ZNHIT6: variants seen among roughly 807,000 people sequenced by gnomAD.
ZNHIT6 encodes box C/D snoRNA protein 1.
Under a neutral mutation model 57.2 loss-of-function variants are expected in ZNHIT6, and 45 were observed. The observed-to-expected ratio is 0.79, with a 90% CI of 0.62 to 1.01. The LOEUF is 1.01. Ranked by LOEUF, ZNHIT6 falls within the 50% of genes least tolerant of loss-of-function variation. ZNHIT6 has a pLI of 0.00. For synonymous variants in ZNHIT6, 188 were observed against 190.0 expected, an observed-to-expected ratio of 0.99 and a Z score of 0.09; for missense variants, 528 against 567.3, an observed-to-expected ratio of 0.93 and a Z score of 0.70.
chr1:85,685,531 G>A (rs149878956), intron 5 of ZNHIT6, among the ~76,000 whole-genome samples: 10 of 152,200 alleles, frequency 6.6e-5, no homozygotes, highest in East Asian at 1.9e-4. Context: ...TTTTACCTAC[G>A]AATATGTCTG....
rs979513527 is a variant in ZNHIT6 at position 85,654,163 on chromosome 1, C to T, written c.1373-65G>A. 20 of 1,384,158 alleles carry T rather than the reference C, an allele frequency of 1.4e-5. No individual in the cohort carries two copies. The Admixed American group carries it at 3.3e-4, about 23-fold the overall frequency. 85.7% of individuals were successfully genotyped at this position (1,384,158 alleles called of 1,614,324 possible). A position where few individuals can be genotyped will look rare whatever the true frequency, so the allele number is the denominator to read the frequency against. On this transcript the variant is annotated intron_variant, in intron 9 of 9. Transcript: ENST00000370574. ...TTTTTCTGTTTAGGTTGCTCTGTCC[C>T]TCTTCTCTCCCTCCTTCTGATGTAC...
At chr1:85,670,646 T>A (rs1220938272) in intron 8 of ZNHIT6, among the ~76,000 whole-genome samples, 1 of 152,194 alleles carries the variant, frequency 6.6e-6, no homozygotes, top group Non-Finnish European at 1.5e-5. Flanking sequence ...TAGAAACCTA[T>A]GAGAAATGCA....
In ZNHIT6 at chr1:85,684,857, G is replaced by A. The variant is rs2100690113; in HGVS notation, c.1020-3953C>T. 2.0e-5 allele frequency among the ~76,000 whole-genome samples: 3 copies of A among 152,196 alleles called. 1 individual carries two copies. In the South Asian group the frequency reaches 6.2e-4, roughly 32 times the overall value. On this transcript the variant is annotated intron_variant, in intron 5 of 9. Transcript: ENST00000370574. ...ACTTCAAATTGCAAATTTTCGTATGGGGAATACTACCACAATCCCAAGGAA... is the reference window on the plus strand; with the variant it reads ...ACTTCAAATTGCAAATTTTCGTATGAGGAATACTACCACAATCCCAAGGAA...
intron 5 of ZNHIT6, among the ~76,000 whole-genome samples, chr1:85,699,985 A>T (rs1245148020): frequency 6.6e-6 from 1 of 152,202 alleles, no homozygotes. Context: ...ATTCATAAAA[A>T]ATTAATGTTT....
chr1:85,687,310 A>AAAAC (rs1557861254), intron 5 of ZNHIT6, among the ~76,000 whole-genome samples: 5 of 143,588 alleles, frequency 3.5e-5, no homozygotes, highest in Admixed American at 1.4e-4. Flanking sequence ...AAAAAAAAAA[A>AAAAC]ACAATTTAGA....
intron 8 of ZNHIT6, among the ~76,000 whole-genome samples, chr1:85,671,846 T>G (rs900724243): frequency 6.6e-6 from 1 of 152,130 alleles, no homozygotes; most frequent in East Asian, 1.9e-4. Flanking sequence ...CATTTTTGCA[T>G]AAGAGCAAAA....
intron 5 of ZNHIT6, among the ~76,000 whole-genome samples, chr1:85,698,555 GA>G (rs1275926769): frequency 6.6e-6 from 1 of 152,088 alleles, no homozygotes; most frequent in African/African-American, 2.4e-5. Flanking sequence ...CCTCAAAAGT[GA>G]AAACATGTAA....
chr1:85,707,753 G>C lies in ZNHIT6; in HGVS notation c.532C>G (p.His178Asp). 6.2e-7 allele frequency: 1 copy of C among 1,613,936 alleles called. No individual in the cohort carries two copies. Among genetic ancestry groups the C allele is most frequent in the Non-Finnish European group, 8.5e-7 (1 of 1,179,966 alleles). The change falls in exon 1 of 10, where the codon CAT becomes GAT. Residue 178 changes from histidine to aspartate, a missense_variant. Transcript: ENST00000370574. ...VGQCIKEELM[H>D]GECVKEEKDF... ...TTCTCTTCTTTTACACACTCTCCAT[G>C]CATCAATTCCTCTTTTATGCATTGA...
At chr1:85,675,091 T>C (rs1460409026) in intron 8 of ZNHIT6, among the ~76,000 whole-genome samples, 1 of 152,180 alleles carries the variant, frequency 6.6e-6, no homozygotes, top group East Asian at 1.9e-4. Context: ...CGTAAGATGT[T>C]ATGTCCCCAA....
intron 8 of ZNHIT6, among the ~76,000 whole-genome samples, chr1:85,675,524 T>C (rs2100673025): frequency 6.6e-6 from 1 of 152,236 alleles, no homozygotes; most frequent in African/African-American, 2.4e-5. Flanking sequence ...CAGAATAGAT[T>C]TAGCATAATT....
In ZNHIT6 at chr1:85,706,094, G is replaced by A. The variant is rs762781538; in HGVS notation, c.899C>T (p.Pro300Leu). ...HISRDAFLKR[P>L]ISNKYMYFMK... ...AAATCTTACATATTTATTGCTTATT[G>A]GTCTCTTCAAAAAAGCATCTCTAGA... The change falls in exon 4 of 10, where the codon CCA becomes CTA. Residue 300 changes from proline (P) to leucine (L), a missense_variant. Transcript: ENST00000370574. 6.2e-7 allele frequency: 1 copy of A among 1,612,554 alleles called. No homozygotes were observed. Among genetic ancestry groups the A allele is most frequent in the Non-Finnish European group, 8.5e-7 (1 of 1,179,292 alleles).
At chr1:85,667,630 A>T (rs1288361818) in intron 8 of ZNHIT6, among the ~76,000 whole-genome samples, 3 of 684 alleles carry the variant, frequency 4.4e-3, no homozygotes, top group Non-Finnish European at 8.1e-3. Context: ...TCATCCATTA[A>T]AAAAAAAAAA....
chr1:85,696,962 G>A (rs1289046027), intron 5 of ZNHIT6, among the ~76,000 whole-genome samples: 5 of 149,400 alleles, frequency 3.3e-5, no homozygotes, highest in African/African-American at 9.9e-5. Context: ...CCAGGTTCAC[G>A]CCATTCTCCT....
chr1:85,677,149 A>G (rs1661725018), intron 8 of ZNHIT6, 87 bp downstream of exon 8: 1 of 913,146 alleles, frequency 1.1e-6, no homozygotes, highest in East Asian at 2.7e-5. Flanking sequence ...CTAGATAATT[A>G]GTTTAATAAC....
chr1:85,702,017 T>C, intron 5 of ZNHIT6, 140 bp downstream of exon 5: 1 of 608,422 alleles, frequency 1.6e-6, no homozygotes, highest in East Asian at 2.9e-5. Context: ...ATACAATTAC[T>C]ACAGTTATCT....
chr1:85,670,975 A>C (rs1661542247), intron 8 of ZNHIT6, among the ~76,000 whole-genome samples: 2 of 152,226 alleles, frequency 1.3e-5, no homozygotes, highest in South Asian at 4.1e-4. Context: ...TTCGAAACAC[A>C]CACATCAGGA....
chr1:85,669,812 G>A (rs147036119), intron 8 of ZNHIT6, among the ~76,000 whole-genome samples: 11 of 152,088 alleles, frequency 7.2e-5, no homozygotes, highest in African/African-American at 2.4e-4. Context: ...TATCTTTTGC[G>A]GTATTTATCA....
chr1:85,685,926 TAGAA>T (rs1557859447), intron 5 of ZNHIT6, among the ~76,000 whole-genome samples: 1 of 151,826 alleles, frequency 6.6e-6, no homozygotes, highest in Non-Finnish European at 1.5e-5. Flanking sequence ...ATGGCAGTGA[TAGAA>T]AGAACAGGAA....
At chr1:85,673,675 C>T (rs1291988396) in intron 8 of ZNHIT6, among the ~76,000 whole-genome samples, 1 of 151,770 alleles carries the variant, frequency 6.6e-6, no homozygotes, top group Non-Finnish European at 1.5e-5. Flanking sequence ...ATTTAGAATG[C>T]TTATCTTAAA....
Sources: gnomAD v4.1 joint callset for allele counts (sites outside exome capture counted in the v4.1 genomes callset) on GRCh38, gnomAD v4.1.1 for gene constraint, MANE v1.5 for transcripts, NCBI Gene and HGNC (gene_info 2026-07-23, HGNC 2026-07-21) for gene names.